Variants in ATP8B4 observed in about 807,000 individuals in gnomAD.
The protein encoded by ATP8B4 is ATPase phospholipid transporting 8B4 (putative), also known as probable phospholipid-transporting ATPase IM.
In ATP8B4, 133 loss-of-function variants were observed where a neutral mutation model predicts 145.6. The ratio of observed to expected loss-of-function variants is 0.91; its 90% CI spans 0.79 to 1.05. The LOEUF (loss-of-function observed/expected upper bound fraction) is 1.05. ATP8B4 is among the 50% of genes least tolerant of loss of function. ATP8B4 has a pLI of 0.00. For synonymous variants in ATP8B4, 507 were observed against 492.9 expected (o/e 1.03, Z -0.38); for missense variants, 1,458 against 1,425.2 (o/e 1.02, Z -0.37).
At chr15:49,861,981 T>G (rs1420340887) in intron 27 of ATP8B4, among the ~76,000 whole-genome samples, 1 of 152,198 alleles carries the variant, frequency 6.6e-6, no homozygotes, top group Admixed American at 6.5e-5. Context: ...TTTTTAAAAG[T>G]CAGCTTTTTA....
chr15:49,897,535 A>C lies in ATP8B4; in HGVS notation c.2474-20T>G. ...GAGCACCTACAAAGGAAAGAGGAAC[A>C]CTGTCACTCCCAAAACAAAGCCACG... On this transcript the variant is annotated intron_variant, in intron 22 of 27. Transcript: ENST00000284509. The C allele has an allele frequency of 2.0e-6, 3 of 1,479,058 alleles. No individual in the cohort carries two copies. Among genetic ancestry groups the C allele is most frequent in the Non-Finnish European group, 2.7e-6 (3 of 1,112,238 alleles). The allele number at this position is 1,479,058 out of a possible 1,614,324, so 91.6% of individuals were successfully genotyped here.
intron 14 of ATP8B4, among the ~76,000 whole-genome samples, chr15:49,959,085 T>C (rs1361310473): frequency 2.6e-5 from 4 of 151,894 alleles, no homozygotes; most frequent in East Asian, 3.9e-4. Flanking sequence ...CATTAGTAAA[T>C]AGAATCTAGT....
At chr15:50,180,812 G>T (rs892488125) in intron 1 of ATP8B4, among the ~76,000 whole-genome samples, 2 of 152,150 alleles carry the variant, frequency 1.3e-5, no homozygotes, top group African/African-American at 4.8e-5. Flanking sequence ...GTCAGGAAAA[G>T]GGAAAGGTTG....
At position 49,912,553 on chromosome 15, in the gene ATP8B4, A is replaced by G. The variant is rs184196291; in HGVS notation, c.2141+4381T>C. On this transcript the variant is annotated intron_variant, in intron 20 of 27. Transcript: ENST00000284509. ...AAAGTCTCCCAACAAAGAAAAACCC[A>G]GAATTGGATGACTTCACTACCAGAT... is the stretch of plus-strand genomic sequence containing the variant. Among the ~76,000 whole-genome samples the G allele has an allele frequency of 4.8e-4, 73 of 152,302 alleles. 2 individuals carry two copies. In the South Asian group the frequency reaches 0.013, roughly 27 times the overall value.
intron 21 of ATP8B4, among the ~76,000 whole-genome samples, chr15:49,900,666 G>A (rs147623792): frequency 2.6e-4 from 40 of 152,202 alleles, no homozygotes; most frequent in Admixed American, 2.0e-4. Flanking sequence ...CAATAATTTC[G>A]TATAGTAATT....
intron 6 of ATP8B4, 76 bp downstream of exon 6, chr15:50,038,692 A>C: frequency 1.8e-6 from 2 of 1,129,970 alleles, no homozygotes; most frequent in Non-Finnish European, 2.6e-6. Context: ...TAATTAAAAG[A>C]GAAAGCCACC....
At chr15:49,918,455 A>G (rs1427859174) in intron 19 of ATP8B4, among the ~76,000 whole-genome samples, 1 of 152,204 alleles carries the variant, frequency 6.6e-6, no homozygotes, top group African/African-American at 2.4e-5. Context: ...CCATCAAGAA[A>G]CTAAAGGAGT....
intron 1 of ATP8B4, among the ~76,000 whole-genome samples, chr15:50,128,621 A>G (rs2057322848): frequency 6.6e-6 from 1 of 152,150 alleles, no homozygotes; most frequent in African/African-American, 2.4e-5. Context: ...CAAAGGCCCT[A>G]AAAAAGACTA....
intron 21 of ATP8B4, 54 bp from the exon 22 acceptor site, chr15:49,898,305 T>C (rs1004120253): frequency 6.5e-7 from 1 of 1,530,004 alleles, no homozygotes; most frequent in Non-Finnish European, 8.9e-7. Context: ...AAATGAGGGT[T>C]GAGAAACAAG....
chr15:50,074,033 T>A, intron 3 of ATP8B4, 94 bp downstream of exon 3: 1 of 1,087,566 alleles, frequency 9.2e-7, no homozygotes, highest in Admixed American at 2.4e-5. Flanking sequence ...GAAGAAAGTT[T>A]TTGGTGAAGT....
rs373044903 is a variant in ATP8B4 at position 49,931,144 on chromosome 15, G to T, written c.1617C>A (p.Asn539Lys). ...CTATGACAGACATCCTTTTTCTGGT[G>T]TTGTTGAAATCCAAAAAGGCAAGTA... ...YQLLAFLDFN[N>K]TRKRMSVIVR... The change falls in exon 16 of 28, where the codon AAC becomes AAA. Residue 539 changes from asparagine (N) to lysine (K), a missense_variant. Coordinates refer to ENST00000284509, the MANE Select transcript of ATP8B4 (RefSeq NM_024837.4). The T allele has an allele frequency of 6.2e-7, 1 of 1,611,354 alleles. No individual in the cohort carries two copies. The highest frequency in any genetic ancestry group is 8.5e-7 in the Non-Finnish European group (1 of 1,178,398).
chr15:49,987,242 G>A, intron 10 of ATP8B4, 149 bp downstream of exon 10: 1 of 921,450 alleles, frequency 1.1e-6, no homozygotes, highest in Non-Finnish European at 1.5e-6. Flanking sequence ...GTTTTCTCCT[G>A]GCATCCTACA....
chr15:50,140,793 C>T (rs1236527679), intron 1 of ATP8B4, among the ~76,000 whole-genome samples: 2 of 152,180 alleles, frequency 1.3e-5, no homozygotes, highest in Non-Finnish European at 2.9e-5. Flanking sequence ...CTTTTCAAAA[C>T]ATAGGGACTT....
intron 9 of ATP8B4, among the ~76,000 whole-genome samples, chr15:49,995,370 T>G (rs1461800359): frequency 6.6e-6 from 1 of 152,192 alleles, no homozygotes; most frequent in Non-Finnish European, 1.5e-5. Context: ...TTACTTTTCT[T>G]GGATTCACAT....
intron 1 of ATP8B4, among the ~76,000 whole-genome samples, chr15:50,111,821 G>C (rs1279738147): frequency 2.6e-5 from 4 of 152,142 alleles, no homozygotes; most frequent in Non-Finnish European, 5.9e-5. Context: ...ATAAACATTA[G>C]GAACAAATGA....
intron 14 of ATP8B4, among the ~76,000 whole-genome samples, chr15:49,958,490 G>C (rs947986885): frequency 1.3e-5 from 2 of 151,338 alleles, no homozygotes; most frequent in Non-Finnish European, 3.0e-5. Flanking sequence ...ATGGAAGAAG[G>C]GGCAACTAAA....
chr15:49,993,645 T>C (rs904009329), intron 9 of ATP8B4, among the ~76,000 whole-genome samples: 4 of 152,170 alleles, frequency 2.6e-5, no homozygotes, highest in Non-Finnish European at 5.9e-5. Context: ...TTCATTCTTC[T>C]GATGTTTTCT....
intron 3 of ATP8B4, among the ~76,000 whole-genome samples, chr15:50,054,672 T>C (rs1480986972): frequency 6.7e-6 from 1 of 150,252 alleles, no homozygotes; most frequent in South Asian, 2.1e-4. Flanking sequence ...TAGTCCCAGC[T>C]ACTTGGGAGG....
At chr15:49,969,914 C>T (rs572776086) in intron 13 of ATP8B4, among the ~76,000 whole-genome samples, 8 of 152,298 alleles carry the variant, frequency 5.3e-5, no homozygotes, top group African/African-American at 1.9e-4. Context: ...CTTCAAAAAG[C>T]TTATCCACCA....
Sources: allele counts gnomAD v4.1 joint callset (sites outside exome capture counted in the v4.1 genomes callset), GRCh38; gene constraint gnomAD v4.1.1; transcripts MANE v1.5; gene names NCBI Gene and HGNC (gene_info 2026-07-23, HGNC 2026-07-21).